Variants in HTRA3 observed in about 807,000 individuals in gnomAD.
The protein encoded by HTRA3 is serine protease HTRA3.
In HTRA3, 41 loss-of-function variants were observed where a neutral mutation model predicts 43.2. The observed-to-expected ratio is 0.95, with a 90% CI of 0.74 to 1.23. The LOEUF is 1.23. Ranked by LOEUF, HTRA3 falls within the 50% of genes most tolerant of loss-of-function variation. The pLI is 0.00. For missense variants in HTRA3, 628 were observed against 647.1 expected (o/e 0.97, Z 0.32); for synonymous variants, 295 against 287.9 (o/e 1.02, Z -0.25).
intron 1 of HTRA3, among the ~76,000 whole-genome samples, chr4:8,277,091 A>G (rs1712559529): frequency 6.6e-6 from 1 of 152,142 alleles, no homozygotes; most frequent in South Asian, 2.1e-4. Context: ...TGCGTTCCAC[A>G]TGAACAGGTC....
chr4:8,298,091 G>T (rs1713517810), intron 6 of HTRA3, among the ~76,000 whole-genome samples: 1 of 152,198 alleles, frequency 6.6e-6, no homozygotes, highest in Non-Finnish European at 1.5e-5. Context: ...GGCACTCGCT[G>T]CCCTGGACCG....
rs1033315320 is a variant in HTRA3, at chr4:8,285,359, C to T, written c.486-1202C>T. On this transcript the variant is annotated intron_variant, in intron 2 of 8. Transcript: ENST00000307358. Reference sequence around the variant, plus strand: ...CTCAGAGGGAGCACAGGGTGGCATTCGCTGCCATCTCTGGTCCTGTGGGTC... The same window carrying T: ...CTCAGAGGGAGCACAGGGTGGCATTTGCTGCCATCTCTGGTCCTGTGGGTC... Among the ~76,000 whole-genome samples, 6 of 152,220 alleles carry T rather than the reference C, an allele frequency of 3.9e-5. No individual in the cohort carries two copies. The South Asian group carries it at 6.2e-4, about 16-fold the overall frequency.
chr4:8,294,527 T>A (rs907292544), intron 6 of HTRA3, among the ~76,000 whole-genome samples: 4 of 150,432 alleles, frequency 2.7e-5, no homozygotes, highest in Admixed American at 6.7e-5. Context: ...CTCCTCTCAT[T>A]TGGGCTGCTC....
intron 3 of HTRA3, among the ~76,000 whole-genome samples, chr4:8,288,808 G>A (rs1713099045): frequency 6.6e-6 from 1 of 151,614 alleles, no homozygotes; most frequent in South Asian, 2.1e-4. Flanking sequence ...CTGACCTCAG[G>A]TGATCCCCTG....
chr4:8,294,246 C>T, intron 6 of HTRA3, 45 bp downstream of exon 6: 1 of 1,405,398 alleles, frequency 7.1e-7, no homozygotes, highest in Non-Finnish European at 9.9e-7. Context: ...GGGCACTCTC[C>T]CAGGGCTACA....
At position 8,296,141 on chromosome 4, in the gene HTRA3, T is replaced by A; in HGVS notation, c.1051+1940T>A. 2 of 993,534 alleles carry A rather than the reference T, an allele frequency of 2.0e-6. No homozygotes were observed. The highest frequency in any genetic ancestry group is 2.4e-6 in the Non-Finnish European group (2 of 835,412). 61.5% of individuals were successfully genotyped at this position (993,534 alleles called of 1,614,324 possible). The stretch of plus-strand genomic sequence containing the variant: ...TAGCGGAGCTGCTGTTTGCACACAC[T>A]GAGCTGTGAGGTGGCTTTCCTTGGA... On this transcript the variant is annotated intron_variant, in intron 6 of 8. Transcript: ENST00000307358. The surrounding 1 kb of genome is among the most constrained non-coding windows in gnomAD (Gnocchi z 5.3).
intron 6 of HTRA3, among the ~76,000 whole-genome samples, chr4:8,301,170 A>T (rs1003156839): frequency 6.2e-5 from 8 of 129,914 alleles, no homozygotes; most frequent in African/African-American, 2.4e-4. Context: ...CTCACACTTT[A>T]TTATTCACAC....
chr4:8,276,523 C>T (rs538154795), intron 1 of HTRA3, among the ~76,000 whole-genome samples: 3 of 152,344 alleles, frequency 2.0e-5, no homozygotes, highest in South Asian at 4.1e-4. Context: ...TCATTGGCCC[C>T]GGTCAAGGCA....
At position 8,282,484 on chromosome 4, in the gene HTRA3, G is replaced by A. The variant is rs775780829; in HGVS notation, c.433G>A (p.Asp145Asn). The A allele has an allele frequency of 6.2e-6, 10 of 1,614,134 alleles. No individual in the cohort carries two copies. In the South Asian group the frequency reaches 9.9e-5, roughly 16 times the overall value. ...SPRYKFNFIA[D>N]VVEKIAPAVV... ...GCGCTACAAGTTCAACTTCATTGCT[G>A]ACGTGGTGGAGAAGATCGCACCAGC... is the stretch of plus-strand genomic sequence containing the variant. Residue 145 changes from aspartate to asparagine, a missense_variant, in exon 2 of 9, where the codon GAC becomes AAC. Physicochemically the swap from Asp to Asn is conservative, Grantham distance 23. Coordinates refer to ENST00000307358, the MANE Select transcript of HTRA3 (RefSeq NM_053044.5).
chr4:8,292,038 C>T (rs951074739), intron 4 of HTRA3, among the ~76,000 whole-genome samples: 2 of 152,196 alleles, frequency 1.3e-5, no homozygotes, highest in African/African-American at 2.4e-5. Context: ...AAGTAATACC[C>T]CCATTCTCCA....
chr4:8,304,253 G>C lies in HTRA3; in HGVS notation c.1170G>C (p.Glu390Asp). The C allele has an allele frequency of 6.2e-7, 1 of 1,614,212 alleles. No individual in the cohort carries two copies. The highest frequency in any genetic ancestry group is 8.5e-7 in the Non-Finnish European group (1 of 1,180,020). ...TCAGCAGTGGAATTTATGTGCAAGA[G>C]GTTGCGCCGAATTCACCTTCTCAGA... Reference protein sequence around the residue: ...PEVSSGIYVQEVAPNSPSQRG... With the variant: ...PEVSSGIYVQDVAPNSPSQRG... The change falls in exon 8 of 9, where the codon GAG becomes GAC. Residue 390 changes from glutamate to aspartate, a missense_variant. Physicochemically the swap from Glu to Asp is conservative, Grantham distance 45. Coordinates refer to ENST00000307358, the MANE Select transcript of HTRA3 (RefSeq NM_053044.5).
chr4:8,282,007 C>T (rs915515507), intron 1 of HTRA3, among the ~76,000 whole-genome samples: 21 of 152,152 alleles, frequency 1.4e-4, no homozygotes, highest in African/African-American at 5.1e-4. Context: ...CCAGCTGGAG[C>T]CCATGAGGAG....
intron 3 of HTRA3, among the ~76,000 whole-genome samples, chr4:8,287,801 ACT>A (rs1398984601): frequency 6.6e-6 from 1 of 152,050 alleles, no homozygotes; most frequent in Non-Finnish European, 1.5e-5. Context: ...AAGTTAGGTA[ACT>A]CGTCCAAGAT....
At chr4:8,303,900 T>TCATCCATC (rs542518473) in intron 7 of HTRA3, among the ~76,000 whole-genome samples, 2,485 of 152,072 alleles carry the variant, frequency 0.016, 58 homozygotes, top group African/African-American at 0.057. Flanking sequence ...ATTCCTTCAT[T>TCATCCATC]CATCCATCCA....
chr4:8,290,386 C>T (rs1202990403), intron 3 of HTRA3, among the ~76,000 whole-genome samples: 1 of 152,226 alleles, frequency 6.6e-6, no homozygotes, highest in African/African-American at 2.4e-5. Flanking sequence ...TGGAGGGGAG[C>T]CATCCAGAGG....
intron 2 of HTRA3, among the ~76,000 whole-genome samples, chr4:8,283,713 C>A (rs140907317): frequency 1.6e-4 from 24 of 152,346 alleles, no homozygotes; most frequent in African/African-American, 4.8e-4. Context: ...GACACGGAGC[C>A]GGCAATGAGC....
chr4:8,306,431 C>T lies in HTRA3; in HGVS notation c.*295C>T, dbSNP rs1045332229. The T allele has an allele frequency of 9.6e-6, 3 of 311,082 alleles. No homozygotes were observed. Among genetic ancestry groups the T allele is most frequent in the African/African-American group, 6.5e-5 (3 of 46,108 alleles). 19.3% of individuals were successfully genotyped at this position (311,082 alleles called of 1,614,324 possible). On this transcript the variant is annotated 3_prime_UTR_variant, in exon 9 of 9. Coordinates refer to ENST00000307358, the MANE Select transcript of HTRA3 (RefSeq NM_053044.5). The surrounding 1 kb of genome is among the most constrained non-coding windows in gnomAD (Gnocchi z 8.9). ...ACAAAACTGCCTTCCATGGAGGTCC[C>T]CTCCTCTCCTAGCTTCCCGCCTCTG...
intron 1 of HTRA3, among the ~76,000 whole-genome samples, chr4:8,276,119 C>A (rs1482685096): frequency 2.0e-5 from 3 of 152,238 alleles, no homozygotes; most frequent in Non-Finnish European, 4.4e-5. Context: ...CAATGTACAG[C>A]CTGCCCACCT....
chr4:8,288,507 A>C (rs570660998), intron 3 of HTRA3, among the ~76,000 whole-genome samples: 2 of 149,790 alleles, frequency 1.3e-5, no homozygotes, highest in South Asian at 4.2e-4. Flanking sequence ...ACTCCCAACC[A>C]CAGGTGATCC....
Sources: allele counts gnomAD v4.1 joint callset (sites outside exome capture counted in the v4.1 genomes callset), GRCh38; gene constraint gnomAD v4.1.1; non-coding constraint Gnocchi (gnomAD v3.1); transcripts MANE v1.5; gene names NCBI Gene and HGNC (gene_info 2026-07-23, HGNC 2026-07-21).